TRAPPC9: variants seen among roughly 807,000 people sequenced by gnomAD.
TRAPPC9 encodes trafficking protein particle complex subunit 9, also known as IKK2 binding protein.
In TRAPPC9, 83 loss-of-function variants were observed where a neutral mutation model predicts 124.0. The ratio of observed to expected loss-of-function variants is 0.67; its 90% CI spans 0.56 to 0.80. The LOEUF (loss-of-function observed/expected upper bound fraction) is 0.80. Ranked by LOEUF, TRAPPC9 falls within the 30% of genes least tolerant of loss-of-function variation. The pLI is 0.00. For synonymous variants in TRAPPC9, 638 were observed against 617.5 expected (o/e 1.03, Z -0.49); for missense variants, 1,302 against 1,508.3 (o/e 0.86, Z 2.27).
intron 11 of TRAPPC9, among the ~76,000 whole-genome samples, chr8:140,297,365 C>CACACACACATACAT (rs375995087): frequency 4.0e-5 from 6 of 151,654 alleles, no homozygotes; most frequent in South Asian, 2.1e-4. Context: ...CACACATACA[C>CACACACACATACAT]GCATACACAC....
intron 17 of TRAPPC9, among the ~76,000 whole-genome samples, chr8:140,122,695 T>G (rs1447442991): frequency 6.6e-6 from 1 of 152,142 alleles, no homozygotes; most frequent in African/African-American, 2.4e-5. Flanking sequence ...GACTGGGTAA[T>G]GAGTAGGGAG....
At chr8:140,175,807 T>C (rs2130975697) in intron 17 of TRAPPC9, among the ~76,000 whole-genome samples, 1 of 152,364 alleles carries the variant, frequency 6.6e-6, no homozygotes, top group East Asian at 1.9e-4. Flanking sequence ...TCTTTATTTG[T>C]GTAGCAAACA....
chr8:140,348,620 A>C (rs1433320771), intron 9 of TRAPPC9, among the ~76,000 whole-genome samples: 1 of 152,234 alleles, frequency 6.6e-6, no homozygotes, highest in Non-Finnish European at 1.5e-5. Context: ...AAGGGAACAA[A>C]AAAAAGCATG....
At chr8:139,842,864 G>A (rs572745231) in intron 21 of TRAPPC9, among the ~76,000 whole-genome samples, 44 of 152,316 alleles carry the variant, frequency 2.9e-4, no homozygotes, top group Admixed American at 9.8e-4. Flanking sequence ...TCCTACAACC[G>A]GGTTTCATTT....
At chr8:140,047,500 AG>A (rs1278897971) in intron 17 of TRAPPC9, among the ~76,000 whole-genome samples, 1 of 152,214 alleles carries the variant, frequency 6.6e-6, no homozygotes, top group African/African-American at 2.4e-5. Flanking sequence ...AGAATGGAGA[AG>A]AAAACGAGTG....
intron 16 of TRAPPC9, among the ~76,000 whole-genome samples, chr8:140,237,082 G>T (rs1470799143): frequency 1.3e-5 from 2 of 152,164 alleles, no homozygotes; most frequent in East Asian, 3.8e-4. Context: ...TGAGGAGGCT[G>T]AGGCAGGAGA....
chr8:140,044,288 A>AAAAAAATAAAAAT (rs1841449034), intron 17 of TRAPPC9, among the ~76,000 whole-genome samples: 1 of 144,446 alleles, frequency 6.9e-6, no homozygotes. Context: ...AAAAAAAAAA[A>AAAAAAATAAAAAT]GAAAAATCAC....
intron 8 of TRAPPC9, among the ~76,000 whole-genome samples, chr8:140,362,908 A>G (rs1289984113): frequency 6.6e-6 from 1 of 152,246 alleles, no homozygotes; most frequent in African/African-American, 2.4e-5. Flanking sequence ...GATTATGAGT[A>G]AGACCGAGTA....
At chr8:139,864,479 T>G (rs1828392838) in intron 21 of TRAPPC9, among the ~76,000 whole-genome samples, 1 of 152,224 alleles carries the variant, frequency 6.6e-6, no homozygotes, top group Non-Finnish European at 1.5e-5. Context: ...TTTTCTCATT[T>G]AAGGGATGGA....
At chr8:140,195,571 T>C (rs1398723341) in intron 17 of TRAPPC9, among the ~76,000 whole-genome samples, 1 of 150,370 alleles carries the variant, frequency 6.7e-6, no homozygotes, top group Non-Finnish European at 1.5e-5. Context: ...CACTCAACTA[T>C]CCACTGTACA....
chr8:140,298,946 C>T (rs1270609808), intron 11 of TRAPPC9, among the ~76,000 whole-genome samples: 1 of 152,206 alleles, frequency 6.6e-6, no homozygotes, highest in Non-Finnish European at 1.5e-5. Context: ...GGTGATATTG[C>T]AGGACAAAGC....
rs1309219812 is a variant in TRAPPC9, at chr8:140,439,130, T to C, written c.652A>G (p.Met218Val). The C allele has an allele frequency of 8.1e-6, 13 of 1,614,052 alleles. No homozygotes were observed. The highest frequency in any genetic ancestry group is 1.1e-5 in the Non-Finnish European group (13 of 1,179,988). Residue 218 changes from methionine to valine, a missense_variant, in exon 3 of 23, where the codon ATG (methionine) becomes GTG (valine). Physicochemically the swap from Met to Val is conservative, Grantham distance 21. Transcript: ENST00000438773. The stretch of plus-strand genomic sequence containing the variant: ...TAATGCACCAGGGAGTCCTGCAGCA[T>C]CCCTGCCTGCAGGCACAGGTCCCCC... ...HVGDLCLQAG[M>V]LQDSLVHYHM...
Position 140,252,880 on chromosome 8 carries a change from G to T in TRAPPC9, c.2328C>A (p.Ala776=), listed in dbSNP as rs1007318356. 1 of 1,614,110 alleles carries T rather than the reference G, an allele frequency of 6.2e-7. No homozygotes were observed. Residue 776 remains alanine (A), a synonymous_variant, in exon 16 of 23, where the codon GCC becomes GCA. Transcript: ENST00000438773. The surrounding 1 kb of genome is among the most constrained non-coding windows in gnomAD (Gnocchi z 4.2). ...CCTTCCCAGGCTGCAAAGGGAACTG[G>T]GCAAGGGTTTCCTCTAGCTTCCAGC... ...FLSWKLEETL[A]QFPLQPGKVA...
At position 140,300,407 on chromosome 8, in the gene TRAPPC9, T is replaced by TAGAAA; in HGVS notation, c.1768+57_1768+61dup. The TAGAAA allele has an allele frequency of 1.1e-5, 17 of 1,610,932 alleles. No individual in the cohort carries two copies. The South Asian group carries it at 1.8e-4, about 17-fold the overall frequency. The stretch of plus-strand genomic sequence containing the variant: ...GGCTCAAAATGCTGTTCTAAAAATC[T>TAGAAA]AGAAAAGCCATTGGAAATCAGGTGG... On this transcript the variant is annotated intron_variant, in intron 11 of 22. Coordinates refer to ENST00000438773, the MANE Select transcript of TRAPPC9 (RefSeq NM_001160372.4).
At chr8:140,176,082 A>C (rs2062064347) in intron 17 of TRAPPC9, among the ~76,000 whole-genome samples, 1 of 152,252 alleles carries the variant, frequency 6.6e-6, no homozygotes, top group African/African-American at 2.4e-5. Flanking sequence ...ATACAGGGCC[A>C]CTGAACACAT....
chr8:140,131,654 C>T (rs9650569), intron 17 of TRAPPC9, among the ~76,000 whole-genome samples: 4,585 of 152,296 alleles, frequency 0.03, 80 homozygotes, highest in Non-Finnish European at 0.043. Flanking sequence ...GACTTTTTCT[C>T]CCCTCAGGGT....
At chr8:139,800,687 A>T (rs1216523237) in intron 21 of TRAPPC9, among the ~76,000 whole-genome samples, 2 of 152,088 alleles carry the variant, frequency 1.3e-5, no homozygotes, top group Non-Finnish European at 2.9e-5. Flanking sequence ...GGTCCATGGC[A>T]GGGCAGGGAC....
At chr8:140,232,091 C>T (rs1474066649) in intron 16 of TRAPPC9, among the ~76,000 whole-genome samples, 1 of 151,320 alleles carries the variant, frequency 6.6e-6, no homozygotes, top group African/African-American at 2.4e-5. Context: ...TTTAAAAAAA[C>T]ATCTTAAAAT....
chr8:140,410,565 CG>C (rs2069669136), intron 5 of TRAPPC9, among the ~76,000 whole-genome samples: 1 of 152,006 alleles, frequency 6.6e-6, no homozygotes, highest in Non-Finnish European at 1.5e-5. Context: ...AAAAAAAGGC[CG>C]GGCGCAGTGG....
Sources: gnomAD v4.1 joint callset for allele counts (sites outside exome capture counted in the v4.1 genomes callset) on GRCh38, gnomAD v4.1.1 for gene constraint, Gnocchi (gnomAD v3.1) non-coding constraint, MANE v1.5 for transcripts, NCBI Gene and HGNC (gene_info 2026-07-23, HGNC 2026-07-21) for gene names.